CSMD1: variants seen among roughly 807,000 people sequenced by gnomAD.
CSMD1 encodes the protein CUB and Sushi multiple domains 1, also known as CUB and sushi domain-containing protein 1.
Under a neutral mutation model 417.5 loss-of-function variants are expected in CSMD1, and 213 were observed. The ratio of observed to expected loss-of-function variants is 0.51; its 90% CI spans 0.46 to 0.57. The LOEUF is 0.57. Ranked by LOEUF, CSMD1 falls within the 20% of genes least tolerant of loss-of-function variation. The pLI is 0.00. For missense variants in CSMD1, 6,923 were observed against 4,529.7 expected, an observed-to-expected ratio of 1.53 and a Z score of -15.17; for synonymous variants, 2,862 against 1,736.8, an observed-to-expected ratio of 1.65 and a Z score of -16.11.
chr8:4,912,084 T>C (rs1805714074), intron 1 of CSMD1, among the ~76,000 whole-genome samples: 2 of 141,654 alleles, frequency 1.4e-5, no homozygotes, highest in African/African-American at 2.6e-5. Flanking sequence ...TTCTTTCCAA[T>C]TTCAGATCCT....
At chr8:4,416,467 G>C (rs758096954) in intron 3 of CSMD1, among the ~76,000 whole-genome samples, 17 of 151,810 alleles carry the variant, frequency 1.1e-4, no homozygotes, top group Non-Finnish European at 2.1e-4. Context: ...TAATAAACAC[G>C]TGCATTAAAA....
intron 3 of CSMD1, among the ~76,000 whole-genome samples, chr8:4,162,088 C>T (rs1162327434): frequency 1.3e-5 from 2 of 152,162 alleles, no homozygotes; most frequent in East Asian, 3.8e-4. Context: ...ATTAAGGCAA[C>T]ATTTAAACAC....
At chr8:4,038,400 AG>A (rs1239285449) in intron 3 of CSMD1, among the ~76,000 whole-genome samples, 24 of 152,336 alleles carry the variant, frequency 1.6e-4, no homozygotes, top group African/African-American at 5.8e-4. Context: ...AATTGTTGCT[AG>A]GTCTATGCAA....
intron 2 of CSMD1, among the ~76,000 whole-genome samples, chr8:4,483,260 C>T (rs1801201982): frequency 6.6e-6 from 1 of 152,210 alleles, no homozygotes; most frequent in African/African-American, 2.4e-5. Context: ...CCTCCCCAGC[C>T]ATGTGGAACT....
At chr8:3,679,167 C>G (rs1373541303) in intron 7 of CSMD1, among the ~76,000 whole-genome samples, 1 of 152,086 alleles carries the variant, frequency 6.6e-6, no homozygotes, top group Non-Finnish European at 1.5e-5. Context: ...ATGACAGGAT[C>G]AAATTCACAC....
At chr8:4,880,797 C>A (rs1284831536) in intron 1 of CSMD1, among the ~76,000 whole-genome samples, 6 of 152,064 alleles carry the variant, frequency 3.9e-5, no homozygotes, top group Admixed American at 2.6e-4. Context: ...TTTCTTCCTG[C>A]ACTCAGAAAA....
At chr8:4,467,888 TG>T (rs1800279254) in intron 2 of CSMD1, among the ~76,000 whole-genome samples, 1 of 152,198 alleles carries the variant, frequency 6.6e-6, no homozygotes, top group Admixed American at 6.5e-5. Flanking sequence ...AATCATCTAG[TG>T]GGTTGAACAC....
At chr8:3,798,563 G>C (rs1800289117) in intron 5 of CSMD1, among the ~76,000 whole-genome samples, 2 of 152,076 alleles carry the variant, frequency 1.3e-5, no homozygotes, top group African/African-American at 2.4e-5. Flanking sequence ...AGAGTTTTGA[G>C]AGGTGATTGC....
At chr8:3,526,714 C>G (rs891989779) in intron 10 of CSMD1, among the ~76,000 whole-genome samples, 3 of 152,178 alleles carry the variant, frequency 2.0e-5, no homozygotes, top group African/African-American at 7.2e-5. Context: ...TTGTCACTTC[C>G]TAGCTGTATC....
chr8:3,558,204 A>G (rs1799252565), intron 10 of CSMD1, among the ~76,000 whole-genome samples: 1 of 149,768 alleles, frequency 6.7e-6, no homozygotes, highest in Non-Finnish European at 1.5e-5. Context: ...ATAGTGCCTC[A>G]GTAGTACCCC....
chr8:3,615,527 G>C (rs545984851), intron 8 of CSMD1, among the ~76,000 whole-genome samples: 1 of 152,068 alleles, frequency 6.6e-6, no homozygotes, highest in Non-Finnish European at 1.5e-5. Flanking sequence ...TATCCATTCC[G>C]ACACTATTTC....
At chr8:3,729,706 G>C (rs942787581) in intron 6 of CSMD1, among the ~76,000 whole-genome samples, 2 of 151,802 alleles carry the variant, frequency 1.3e-5, no homozygotes, top group Non-Finnish European at 2.9e-5. Flanking sequence ...CTTCTGCTAA[G>C]TCCCTATCAC....
chr8:4,383,402 T>C (rs1377993090), intron 3 of CSMD1, among the ~76,000 whole-genome samples: 1 of 152,194 alleles, frequency 6.6e-6, no homozygotes, highest in Non-Finnish European at 1.5e-5. Context: ...ATTTACTACA[T>C]GCCTTGCCTC....
intron 1 of CSMD1, among the ~76,000 whole-genome samples, chr8:4,840,008 G>C (rs915375948): frequency 6.6e-6 from 1 of 152,078 alleles, no homozygotes; most frequent in Admixed American, 6.6e-5. Flanking sequence ...GGTGCTTTTT[G>C]TCCTGCATGC....
chr8:4,238,683 G>A (rs919633233), intron 3 of CSMD1, among the ~76,000 whole-genome samples: 2 of 152,070 alleles, frequency 1.3e-5, no homozygotes, highest in Non-Finnish European at 2.9e-5. Flanking sequence ...ACTATCCTTG[G>A]CCCTCAATAC....
At chr8:4,633,301 C>G (rs905856271) in intron 2 of CSMD1, among the ~76,000 whole-genome samples, 1 of 152,056 alleles carries the variant, frequency 6.6e-6, no homozygotes, top group Non-Finnish European at 1.5e-5. Flanking sequence ...GGCTGGAGTG[C>G]AGTGGTGCGA....
intron 5 of CSMD1, among the ~76,000 whole-genome samples, chr8:3,815,414 T>A (rs1457426157): frequency 1.3e-5 from 2 of 152,168 alleles, no homozygotes; most frequent in African/African-American, 4.8e-5. Context: ...TTGAGATTAA[T>A]TATATTGATA....
intron 21 of CSMD1, among the ~76,000 whole-genome samples, chr8:3,349,879 CTATA>C (rs34994954): frequency 0.47 from 37,933 of 80,178 alleles, 5,693 homozygotes; most frequent in East Asian, 0.65. Context: ...ATATTTATAT[CTATA>C]TATATATTTA....
At chr8:3,179,147 G>C (rs150890417) in intron 37 of CSMD1, among the ~76,000 whole-genome samples, 1 of 151,038 alleles carries the variant, frequency 6.6e-6, no homozygotes, top group Non-Finnish European at 1.5e-5. Flanking sequence ...GGGTTTCAAC[G>C]TGTTAGCCAG....
Sources: gnomAD v4.1 joint callset for allele counts (sites outside exome capture counted in the v4.1 genomes callset) on GRCh38, gnomAD v4.1.1 for gene constraint, MANE v1.5 for transcripts, NCBI Gene and HGNC (gene_info 2026-07-23, HGNC 2026-07-21) for gene names.